Variants in TAFA4 observed in about 807,000 individuals in gnomAD.
TAFA4 encodes the protein TAFA chemokine like family member 4, also known as chemokine-like protein TAFA-4.
In TAFA4, 20 loss-of-function variants were observed where a neutral mutation model predicts 21.1. That is an observed-to-expected ratio of 0.95 (90% confidence interval 0.67 to 1.38). TAFA4 has a LOEUF of 1.38. TAFA4 is among the 40% of genes most tolerant of loss of function. The probability of loss-of-function intolerance (pLI) is 0.00; values close to 1 mark genes in which losing one functional copy is unlikely to be tolerated. For synonymous variants in TAFA4, 71 were observed against 67.4 expected, an observed-to-expected ratio of 1.05 and a Z score of -0.26; for missense variants, 211 against 180.9, an observed-to-expected ratio of 1.17 and a Z score of -0.95.
intron 3 of TAFA4, among the ~76,000 whole-genome samples, chr3:68,852,851 T>C (rs1704981970): frequency 6.6e-6 from 1 of 152,102 alleles, no homozygotes; most frequent in Non-Finnish European, 1.5e-5. Flanking sequence ...AATCCTGGGA[T>C]CCTGTGAGCA....
intron 3 of TAFA4, among the ~76,000 whole-genome samples, chr3:68,758,835 C>T (rs1702708585): frequency 6.6e-6 from 1 of 152,126 alleles, no homozygotes; most frequent in African/African-American, 2.4e-5. Context: ...CGTGTTATAA[C>T]ATTGTATTAG....
At chr3:68,789,669 C>T (rs1281167685) in intron 3 of TAFA4, among the ~76,000 whole-genome samples, 1 of 150,314 alleles carries the variant, frequency 6.7e-6, no homozygotes, top group Non-Finnish European at 1.5e-5. Flanking sequence ...TATCCCCCTA[C>T]ACATGATGCT....
intron 3 of TAFA4, among the ~76,000 whole-genome samples, chr3:68,781,207 A>G (rs2106796743): frequency 6.9e-6 from 1 of 144,528 alleles, no homozygotes; most frequent in African/African-American, 2.5e-5. Context: ...TCCTAAGTCA[A>G]AAACTTAAGA....
intron 3 of TAFA4, among the ~76,000 whole-genome samples, chr3:68,831,340 A>C (rs888248271): frequency 2.8e-4 from 42 of 152,032 alleles, no homozygotes; most frequent in Middle Eastern, 6.8e-3. Context: ...GTCCCTTTCC[A>C]TGTTTAGTGC....
At chr3:68,811,309 C>T (rs542546279) in intron 3 of TAFA4, among the ~76,000 whole-genome samples, 84 of 152,304 alleles carry the variant, frequency 5.5e-4, no homozygotes, top group Non-Finnish European at 1.1e-3. Context: ...AGCAACGGAA[C>T]AAAGCTGGAC....
At chr3:68,855,873 A>T (rs1288256567) in intron 3 of TAFA4, among the ~76,000 whole-genome samples, 1 of 152,030 alleles carries the variant, frequency 6.6e-6, no homozygotes, top group Non-Finnish European at 1.5e-5. Context: ...CAAAGGTACC[A>T]TTCTCCTGAC....
chr3:68,751,751 C>T (rs1702559401), intron 4 of TAFA4, among the ~76,000 whole-genome samples: 1 of 152,098 alleles, frequency 6.6e-6, no homozygotes, highest in Admixed American at 6.5e-5. Context: ...CATTTCACTG[C>T]AGATATAGTA....
At chr3:68,868,981 C>T (rs1344426036) in intron 3 of TAFA4, among the ~76,000 whole-genome samples, 1 of 151,018 alleles carries the variant, frequency 6.6e-6, no homozygotes, top group Non-Finnish European at 1.5e-5. Flanking sequence ...TTTAGCTAGA[C>T]TAAGAATAAA....
intron 2 of TAFA4, among the ~76,000 whole-genome samples, chr3:68,881,951 C>T (rs1328811684): frequency 2.0e-5 from 3 of 152,110 alleles, no homozygotes; most frequent in Admixed American, 2.0e-4. Flanking sequence ...CACCATACGC[C>T]GAGGCACACA....
chr3:68,781,293 A>C (rs2106796875), intron 3 of TAFA4, among the ~76,000 whole-genome samples: 1 of 152,032 alleles, frequency 6.6e-6, no homozygotes, highest in South Asian at 2.1e-4. Flanking sequence ...TAACATCAGC[A>C]TGAAGCAATG....
chr3:68,865,670 TAC>T (rs2106929258), intron 3 of TAFA4, among the ~76,000 whole-genome samples: 1 of 152,208 alleles, frequency 6.6e-6, no homozygotes, highest in South Asian at 2.1e-4. Context: ...AATGGATGAA[TAC>T]ACTCAGTCTG....
rs1019268942 is a variant in TAFA4, at chr3:68,810,333, G to A, written c.131-57315C>T. On this transcript the variant is annotated intron_variant, in intron 3 of 5. Transcript: ENST00000295569. Reference sequence around the variant, plus strand: ...AGTGTCGGACAGTGGGTGCAAGACAGTGGATGCAGCGCACCAAGCATGAGC... The same window carrying A: ...AGTGTCGGACAGTGGGTGCAAGACAATGGATGCAGCGCACCAAGCATGAGC... Among the ~76,000 whole-genome samples, 7 of 152,286 alleles carry A rather than the reference G, an allele frequency of 4.6e-5. No homozygotes were observed. In the East Asian group the frequency reaches 1.4e-3, roughly 29 times the overall value.
intron 3 of TAFA4, among the ~76,000 whole-genome samples, chr3:68,826,408 TA>T (rs1237597869): frequency 4.0e-5 from 6 of 151,872 alleles, no homozygotes; most frequent in African/African-American, 1.5e-4. Flanking sequence ...CTGTCTCTAC[TA>T]AAAATACAAA....
intron 1 of TAFA4, among the ~76,000 whole-genome samples, chr3:68,905,337 G>A (rs2089889052): frequency 6.6e-6 from 1 of 151,584 alleles, no homozygotes; most frequent in African/African-American, 2.4e-5. Context: ...ACCTAGCTAA[G>A]TTTTTGTATT....
intron 1 of TAFA4, among the ~76,000 whole-genome samples, chr3:68,891,668 T>C (rs2106966291): frequency 6.6e-6 from 1 of 152,312 alleles, no homozygotes; most frequent in East Asian, 1.9e-4. Flanking sequence ...GTGAAAAATG[T>C]TTCAGAAAGC....
chr3:68,765,564 CTCTT>C (rs1477800220), intron 3 of TAFA4, among the ~76,000 whole-genome samples: 3 of 152,158 alleles, frequency 2.0e-5, no homozygotes, highest in African/African-American at 7.2e-5. Context: ...CCATGAATCT[CTCTT>C]TAATAGCACT....
At chr3:68,763,216 G>A (rs1212164059) in intron 3 of TAFA4, among the ~76,000 whole-genome samples, 1 of 151,944 alleles carries the variant, frequency 6.6e-6, no homozygotes, top group Non-Finnish European at 1.5e-5. Flanking sequence ...AGGAAAATTG[G>A]TGAAGCTCTT....
At chr3:68,795,382 GC>G (rs1221537715) in intron 3 of TAFA4, among the ~76,000 whole-genome samples, 1 of 151,812 alleles carries the variant, frequency 6.6e-6, no homozygotes, top group Non-Finnish European at 1.5e-5. Flanking sequence ...TTTACATGAG[GC>G]CCTACCTTCC....
chr3:68,808,372 T>C (rs1045716480), intron 3 of TAFA4, among the ~76,000 whole-genome samples: 5 of 152,196 alleles, frequency 3.3e-5, no homozygotes, highest in African/African-American at 9.7e-5. Flanking sequence ...ATCATAACAG[T>C]TGTCCTAGAA....
Sources: gnomAD v4.1 joint callset for allele counts (sites outside exome capture counted in the v4.1 genomes callset) on GRCh38, gnomAD v4.1.1 for gene constraint, MANE v1.5 for transcripts, NCBI Gene and HGNC (gene_info 2026-07-23, HGNC 2026-07-21) for gene names.